Variants in CPO observed in about 807,000 individuals in gnomAD.
The protein encoded by CPO is metallocarboxypeptidase C.
CPO carries 43 observed loss-of-function variants against 41.2 expected under a neutral mutation model. The ratio of observed to expected loss-of-function variants is 1.04; its 90% CI spans 0.82 to 1.35. CPO has a LOEUF of 1.35. CPO is among the 40% of genes most tolerant of loss of function. The probability of loss-of-function intolerance (pLI) is 0.00; values close to 1 mark genes in which losing one functional copy is unlikely to be tolerated. For synonymous variants in CPO, 178 were observed against 162.7 expected (o/e 1.09, Z -0.72); for missense variants, 408 against 451.7 (o/e 0.90, Z 0.88).
intron 7 of CPO, among the ~76,000 whole-genome samples, chr2:206,967,362 TATAG>T (rs1693600777): frequency 7.5e-6 from 1 of 133,498 alleles, no homozygotes. Flanking sequence ...GATATATAGA[TATAG>T]ATATAGATAT....
At chr2:206,947,915 A>G (rs553850023) in intron 1 of CPO, among the ~76,000 whole-genome samples, 1 of 152,320 alleles carries the variant, frequency 6.6e-6, no homozygotes, top group Non-Finnish European at 1.5e-5. Context: ...AATCCAAAAC[A>G]CTGACAACAC....
intron 1 of CPO, among the ~76,000 whole-genome samples, chr2:206,947,678 T>C (rs150484940): frequency 1.3e-5 from 2 of 152,098 alleles, no homozygotes; most frequent in Non-Finnish European, 2.9e-5. Context: ...ATCCAAAATA[T>C]ATAAATAACT....
At position 206,969,285 on chromosome 2, in the gene CPO, A is replaced by G; in HGVS notation, c.974A>G (p.Gln325Arg). Residue 325 changes from glutamine (Q) to arginine (R), a missense_variant, in exon 9 of 9, where the codon CAG (glutamine) becomes CGG (arginine). By Grantham distance (43) the Gln-to-Arg change is conservative. Transcript: ENST00000272852. ...TATGGGTTTGTTCTGCCAGAAGCTCAGATCCAGCCCACCTGTGAGGAGACC... is the reference window on the plus strand; with the variant it reads ...TATGGGTTTGTTCTGCCAGAAGCTCGGATCCAGCCCACCTGTGAGGAGACC... ...GTYGFVLPEAQIQPTCEETME... is the reference protein window; with the variant it reads ...GTYGFVLPEARIQPTCEETME... The G allele has an allele frequency of 6.2e-7, 1 of 1,614,170 alleles. No individual in the cohort carries two copies. The highest frequency in any genetic ancestry group is 8.5e-7 in the Non-Finnish European group (1 of 1,180,030).
chr2:206,968,225 A>G lies in CPO; in HGVS notation c.778-38A>G, dbSNP rs779633850. On this transcript the variant is annotated intron_variant, in intron 7 of 8. Transcript: ENST00000272852. ...ATGGTTGGATTGTTGGATTTATTTT[A>G]AACACCAGATATCTGTCTCTGCATT... The G allele has an allele frequency of 3.0e-6, 4 of 1,336,220 alleles. No individual in the cohort carries two copies. In the South Asian group the frequency reaches 3.5e-5, roughly 12 times the overall value. 82.8% of individuals were successfully genotyped at this position (1,336,220 alleles called of 1,614,324 possible).
At chr2:206,968,732 G>T (rs1202623207) in intron 8 of CPO, among the ~76,000 whole-genome samples, 2 of 152,168 alleles carry the variant, frequency 1.3e-5, no homozygotes, top group East Asian at 3.9e-4. Context: ...CTAAAGACAA[G>T]AATTTAGTTG....
At chr2:206,960,395 T>C (rs1370894267) in intron 5 of CPO, among the ~76,000 whole-genome samples, 2 of 152,196 alleles carry the variant, frequency 1.3e-5, no homozygotes, top group Admixed American at 6.5e-5. Flanking sequence ...CACTTGTCTT[T>C]ATTCCCATCT....
Position 206,939,611 on chromosome 2 carries a change from G to A in CPO, c.12G>A (p.Leu4=). Residue 4 remains leucine, a synonymous_variant, in exon 1 of 9, where the codon CTG becomes CTA. Transcript: ENST00000272852. ...TACTGTGTGGCAGAATGAAGCCTCT[G>A]CTTGAAACCCTTTATCTTTTGGGGA... is the stretch of plus-strand genomic sequence containing the variant. MKP[L]LETLYLLGML... is the part of the protein sequence containing the mutation. 1 of 1,611,140 alleles carries A rather than the reference G, an allele frequency of 6.2e-7. No homozygotes were observed. The highest frequency in any genetic ancestry group is 8.5e-7 in the Non-Finnish European group (1 of 1,177,852).
chr2:206,968,405 C>G, intron 8 of CPO, 58 bp downstream of exon 8: 1 of 982,968 alleles, frequency 1.0e-6, no homozygotes, highest in Non-Finnish European at 1.6e-6. Context: ...AGTCAGTGGA[C>G]TTTGGATGGT....
In CPO at chr2:206,959,719, GT is replaced by G; in HGVS notation, c.463del (p.Tyr155IlefsTer68). 3 of 1,536,988 alleles carry G rather than the reference GT, an allele frequency of 2.0e-6. No homozygotes were observed. Among genetic ancestry groups the G allele is most frequent in the Non-Finnish European group, 2.7e-6 (3 of 1,110,028 alleles). On this transcript the variant is annotated frameshift_variant, in exon 5 of 9. Transcript: ENST00000272852. LOFTEE classifies it high-confidence loss of function. ...GTCCTTCCAGTTCTTAACATAGATG[GT>G]TATATCTACACTTGGACAACTGTGA... ...FYVLPVLNIDGYIYTWTTDRL... is the reference protein window; with the variant it reads ...FYVLPVLNIDXYIYTWTTDRL...
At chr2:206,951,648 C>A (rs1278397660) in intron 2 of CPO, among the ~76,000 whole-genome samples, 1 of 152,228 alleles carries the variant, frequency 6.6e-6, no homozygotes, top group East Asian at 1.9e-4. Context: ...CCCATGGACA[C>A]TTTATGACCT....
chr2:206,960,250 G>A (rs1693453832), intron 5 of CPO, among the ~76,000 whole-genome samples: 1 of 152,134 alleles, frequency 6.6e-6, no homozygotes, highest in African/African-American at 2.4e-5. Flanking sequence ...TCAAATAAGA[G>A]CCCCTATTTC....
At chr2:206,940,642 G>A (rs1374070747) in intron 1 of CPO, among the ~76,000 whole-genome samples, 1 of 152,004 alleles carries the variant, frequency 6.6e-6, no homozygotes, top group Non-Finnish European at 1.5e-5. Flanking sequence ...GTATGTGTGT[G>A]TGTATAGTTT....
intron 7 of CPO, among the ~76,000 whole-genome samples, chr2:206,966,153 G>C (rs547365195): frequency 8.6e-5 from 13 of 151,236 alleles, no homozygotes; most frequent in African/African-American, 3.2e-4. Flanking sequence ...GCCAGGATTC[G>C]AGGAAAGGCA....
At chr2:206,945,480 C>T (rs1389293206) in intron 1 of CPO, among the ~76,000 whole-genome samples, 2 of 152,152 alleles carry the variant, frequency 1.3e-5, no homozygotes, top group Non-Finnish European at 2.9e-5. Flanking sequence ...AGTCATTCAA[C>T]AAATGTTTGT....
At chr2:206,962,364 C>G in intron 6 of CPO, 48 bp from the exon 7 acceptor site, 2 of 1,564,470 alleles carry the variant, frequency 1.3e-6, no homozygotes, top group Non-Finnish European at 1.8e-6. Flanking sequence ...TTGGTCATTT[C>G]CAAACTGAGA....
intron 8 of CPO, 118 bp from the exon 9 acceptor site, chr2:206,969,056 C>A: frequency 9.5e-7 from 1 of 1,054,026 alleles, no homozygotes; most frequent in East Asian, 2.4e-5. Context: ...TTTCTGAGAC[C>A]CTGATCTAAA....
At chr2:206,949,834 G>T in intron 2 of CPO, 121 bp downstream of exon 2, 1 of 554,952 alleles carries the variant, frequency 1.8e-6, no homozygotes, top group Non-Finnish European at 3.3e-6. Flanking sequence ...GTTAAGATCT[G>T]CCAATACATT....
At chr2:206,961,937 C>CAA (rs1169557391) in intron 6 of CPO, among the ~76,000 whole-genome samples, 101 of 140,136 alleles carry the variant, frequency 7.2e-4, no homozygotes, top group African/African-American at 2.4e-3. Context: ...CTAAAAATAC[C>CAA]AAAAAAAAAA....
chr2:206,969,302 G>A lies in CPO; in HGVS notation c.991G>A (p.Glu331Lys), dbSNP rs1693641616. 2.5e-6 allele frequency: 4 copies of A among 1,614,106 alleles called. No individual in the cohort carries two copies. The highest frequency in any genetic ancestry group is 3.4e-6 in the Non-Finnish European group (4 of 1,180,000). ...LPEAQIQPTCEETMEAVLSVL... is the reference protein window; with the variant it reads ...LPEAQIQPTCKETMEAVLSVL... ...AGAAGCTCAGATCCAGCCCACCTGTGAGGAGACCATGGAGGCTGTGCTGTC... is the reference window on the plus strand; with the variant it reads ...AGAAGCTCAGATCCAGCCCACCTGTAAGGAGACCATGGAGGCTGTGCTGTC... The change falls in exon 9 of 9, where the codon GAG becomes AAG. Residue 331 changes from glutamate to lysine, a missense_variant. Coordinates refer to ENST00000272852, the MANE Select transcript of CPO (RefSeq NM_173077.3).
Sources: gnomAD v4.1 joint callset for allele counts (sites outside exome capture counted in the v4.1 genomes callset) on GRCh38, gnomAD v4.1.1 for gene constraint, MANE v1.5 for transcripts, NCBI Gene and HGNC (gene_info 2026-07-23, HGNC 2026-07-21) for gene names.